Variants in BTAF1 observed in about 807,000 individuals in gnomAD.
The protein encoded by BTAF1 is B-TFIID TATA-box binding protein associated factor 1, also known as TATA-binding protein-associated factor 172.
In BTAF1, 38 loss-of-function variants were observed where a neutral mutation model predicts 227.1. The ratio of observed to expected loss-of-function variants is 0.17; its 90% CI spans 0.13 to 0.22. BTAF1 has a LOEUF of 0.22. Among genes scored for constraint, BTAF1 ranks in the 10% least tolerant of loss-of-function variants. The pLI, the probability that BTAF1 is intolerant of heterozygous loss-of-function variation, is 1.00. For missense variants in BTAF1, 1,598 were observed against 2,204.0 expected, an observed-to-expected ratio of 0.73 and a Z score of 5.51; for synonymous variants, 742 against 751.9, an observed-to-expected ratio of 0.99 and a Z score of 0.21.
chr10:92,003,145 GACTCCGTCTCAAAAAAAAAAAAAAAGTT>G, intron 25 of BTAF1, among the ~76,000 whole-genome samples: 1 of 107,798 alleles, frequency 9.3e-6, no homozygotes, highest in South Asian at 3.8e-4. Context: ...GACAGAGTGA[GACTCCGTCTCAAAAAAAAAAAAAAAGTT>G]ACGGCGTCCA....
chr10:91,989,540 A>G lies in BTAF1; in HGVS notation c.2814A>G (p.Thr938=), dbSNP rs773306030. ...CVDPYLTPCV[T]CPVPTQSGQE... The stretch of plus-strand genomic sequence containing the variant: ...ACCCATATCTAACTCCTTGTGTCAC[A>G]TGTCCAGTACCAACACAAAGTGGCC... The change falls in exon 20 of 38, where the codon ACA becomes ACG. Residue 938 remains threonine (T), a synonymous_variant. Transcript: ENST00000265990. 35 of 1,613,124 alleles carry G rather than the reference A, an allele frequency of 2.2e-5. No homozygotes were observed. Among genetic ancestry groups the G allele is most frequent in the South Asian group, 1.2e-4 (11 of 90,958 alleles).
At chr10:91,975,327 G>A (rs1410900074) in intron 14 of BTAF1, among the ~76,000 whole-genome samples, 1 of 152,208 alleles carries the variant, frequency 6.6e-6, no homozygotes, top group East Asian at 1.9e-4. Context: ...ACACAAATAA[G>A]TAGGAAACAA....
chr10:91,981,751 A>G lies in BTAF1; in HGVS notation c.1864A>G (p.Ile622Val), dbSNP rs760201559. ...GATGATGCAGCCTTCTCATTTACCT[A>G]TCGATTTAAATATGTTGCTAGAAGT... ...CLMMQPSHLP[I>V]DLNMLLEVKA... The change falls in exon 16 of 38, where the codon ATC becomes GTC. Residue 622 changes from isoleucine to valine, a missense_variant. Physicochemically the swap from Ile to Val is conservative, Grantham distance 29. Transcript: ENST00000265990. 13 of 1,613,494 alleles carry G rather than the reference A, an allele frequency of 8.1e-6. No individual in the cohort carries two copies. The highest frequency in any genetic ancestry group is 2.7e-5 in the African/African-American group (2 of 74,840).
chr10:91,982,317 A>G (rs1404491649), intron 17 of BTAF1, 92 bp downstream of exon 17: 1 of 1,540,122 alleles, frequency 6.5e-7, no homozygotes, highest in African/African-American at 1.4e-5. Flanking sequence ...TGCTGTCTCC[A>G]TCAGTCCTTC....
chr10:91,989,963 A>G (rs531523563), intron 20 of BTAF1, among the ~76,000 whole-genome samples: 2 of 152,356 alleles, frequency 1.3e-5, no homozygotes, highest in East Asian at 1.9e-4. Flanking sequence ...GAGCAACCCT[A>G]TTGACTGAAA....
At chr10:91,974,848 C>T (rs537121130) in intron 14 of BTAF1, among the ~76,000 whole-genome samples, 9 of 152,046 alleles carry the variant, frequency 5.9e-5, no homozygotes, top group African/African-American at 1.4e-4. Context: ...AGTGAAACTC[C>T]GTCTCAAAAA....
chr10:91,956,586 A>T lies in BTAF1; in HGVS notation c.760A>T (p.Ile254Phe), dbSNP rs1319936481. 6.2e-6 allele frequency: 10 copies of T among 1,604,108 alleles called. No homozygotes were observed. Among genetic ancestry groups the T allele is most frequent in the Non-Finnish European group, 7.6e-6 (9 of 1,177,342 alleles). ...GAGACGGAAAATAGCAAATGTTGTT[A>T]TTAATCAGTCTGCAAATGATTCCAA... ...EKRRKIANVV[I>F]NQSANDSKVL... The change falls in exon 7 of 38, where the codon ATT (isoleucine) becomes TTT (phenylalanine). Residue 254 changes from isoleucine to phenylalanine, a missense_variant. Ile to Phe is a conservative substitution (Grantham distance 21). This residue lies in a region of BTAF1 where 298 missense variants were observed against 395.2 expected (regional missense o/e 0.75). Coordinates refer to ENST00000265990, the MANE Select transcript of BTAF1 (RefSeq NM_003972.3).
At chr10:91,958,780 G>C (rs1846280586) in intron 8 of BTAF1, among the ~76,000 whole-genome samples, 2 of 152,188 alleles carry the variant, frequency 1.3e-5, no homozygotes, top group Admixed American at 1.3e-4. Flanking sequence ...CTGAATGAAG[G>C]TAGAGGATAA....
intron 14 of BTAF1, 143 bp downstream of exon 14, chr10:91,966,900 A>G (rs751197840): frequency 1.5e-6 from 1 of 679,596 alleles, no homozygotes; most frequent in Non-Finnish European, 2.3e-6. Flanking sequence ...GTAGATGAAT[A>G]TAATCACTGT....
chr10:92,024,856 G>A lies in BTAF1; in HGVS notation c.4964G>A (p.Ser1655Asn). 1.2e-6 allele frequency: 2 copies of A among 1,613,776 alleles called. No homozygotes were observed. The highest frequency in any genetic ancestry group is 1.7e-6 in the Non-Finnish European group (2 of 1,179,968). Residue 1655 changes from serine to asparagine, a missense_variant, in exon 35 of 38, where the codon AGC becomes AAC. By Grantham distance (46) the Ser-to-Asn change is conservative (BLOSUM62 1). Coordinates refer to ENST00000265990, the MANE Select transcript of BTAF1 (RefSeq NM_003972.3). The part of the protein sequence containing the change: ...HRILIFCQLK[S>N]MLDIVEHDLL... ...ATACTGATATTCTGTCAGCTGAAAA[G>A]CATGCTTGATATAGTAGAGCATGAT... is the stretch of plus-strand genomic sequence containing the variant.
At chr10:91,939,277 T>C (rs536064518) in intron 2 of BTAF1, among the ~76,000 whole-genome samples, 92 of 152,336 alleles carry the variant, frequency 6.0e-4, no homozygotes, top group Middle Eastern at 3.4e-3. Context: ...ACAATTGATT[T>C]TGTGTATTGA....
At chr10:92,017,437 G>A (rs2134148052) in intron 33 of BTAF1, among the ~76,000 whole-genome samples, 1 of 152,258 alleles carries the variant, frequency 6.6e-6, no homozygotes, top group African/African-American at 2.4e-5. Context: ...AAAACCTCCT[G>A]CTAATAGATT....
intron 2 of BTAF1, among the ~76,000 whole-genome samples, chr10:91,937,395 G>A (rs1320465109): frequency 1.3e-5 from 2 of 152,102 alleles, no homozygotes; most frequent in Middle Eastern, 3.4e-3. Flanking sequence ...AGCCATCACC[G>A]TACTCTAATT....
At chr10:91,975,917 A>G (rs1241044798) in intron 14 of BTAF1, among the ~76,000 whole-genome samples, 1 of 151,918 alleles carries the variant, frequency 6.6e-6, no homozygotes, top group African/African-American at 2.4e-5. Context: ...CAATTATCCA[A>G]CTCCCTGGTT....
At chr10:92,001,059 A>G (rs1303539328) in intron 25 of BTAF1, among the ~76,000 whole-genome samples, 1 of 152,210 alleles carries the variant, frequency 6.6e-6, no homozygotes, top group Non-Finnish European at 1.5e-5. Flanking sequence ...AAAATGTACC[A>G]AACAGTGGTT....
At chr10:91,936,432 T>TGGGGAGCAATATGATTGCCCAGATAC (rs1564656008) in intron 2 of BTAF1, among the ~76,000 whole-genome samples, 1 of 152,134 alleles carries the variant, frequency 6.6e-6, no homozygotes, top group African/African-American at 2.4e-5. Context: ...TGCCCAGATA[T>TGGGGAGCAATATGATTGCCCAGATAC]AGGGAGCCTC....
chr10:91,967,053 T>C (rs1846967277), intron 14 of BTAF1, among the ~76,000 whole-genome samples: 1 of 152,212 alleles, frequency 6.6e-6, no homozygotes, highest in African/African-American at 2.4e-5. Flanking sequence ...ACCTGTTATA[T>C]AGTCTTTGCA....
intron 14 of BTAF1, among the ~76,000 whole-genome samples, chr10:91,978,051 T>C (rs917111886): frequency 1.3e-5 from 2 of 152,210 alleles, no homozygotes; most frequent in East Asian, 3.8e-4. Flanking sequence ...ACTTTAGGGT[T>C]CACCCTCAGT....
intron 35 of BTAF1, among the ~76,000 whole-genome samples, chr10:92,025,810 C>CAAA (rs71025383): frequency 3.8e-3 from 330 of 86,534 alleles, no homozygotes; most frequent in African/African-American, 0.01. Context: ...GACTCTGTCT[C>CAAA]AAAAAAAAAA....
Sources: allele counts gnomAD v4.1 joint callset (sites outside exome capture counted in the v4.1 genomes callset), GRCh38; gene constraint gnomAD v4.1.1; regional missense constraint gnomAD v4.1.1; transcripts MANE v1.5; gene names NCBI Gene and HGNC (gene_info 2026-07-23, HGNC 2026-07-21).